The following IL16 variants were observed in gnomAD, a reference collection of about 807,000 sequenced individuals.
IL16 encodes pro-interleukin-16.
IL16 carries 67 observed loss-of-function variants against 110.1 expected under a neutral mutation model. That is an observed-to-expected ratio of 0.61 (90% CI 0.50 to 0.75). IL16 has a LOEUF of 0.75. IL16 is among the 30% of genes least tolerant of loss of function. The probability of loss-of-function intolerance (pLI) is 0.00; values close to 1 mark genes in which losing one functional copy is unlikely to be tolerated. For synonymous variants in IL16, 689 were observed against 662.9 expected (o/e 1.04, Z -0.61); for missense variants, 1,545 against 1,655.0 (o/e 0.93, Z 1.15).
chr15:81,187,583 A>G (rs1272353080), intron 1 of IL16, among the ~76,000 whole-genome samples: 3 of 152,100 alleles, frequency 2.0e-5, no homozygotes, highest in African/African-American at 7.2e-5. Context: ...TGACAGTAAG[A>G]CTTTGTTCAC....
At chr15:81,295,641 C>T (rs1567042119) in intron 12 of IL16, 6 of 456,156 alleles carry the variant, frequency 1.3e-5, no homozygotes, top group Admixed American at 3.3e-5. Flanking sequence ...AGGGCTAGTT[C>T]GAGAAGCTCA....
chr15:81,227,721 G>T (rs1040876768), intron 2 of IL16, among the ~76,000 whole-genome samples: 5 of 152,204 alleles, frequency 3.3e-5, no homozygotes, highest in Non-Finnish European at 7.3e-5. Context: ...TGACTGCTGA[G>T]TGGAGAATGG....
In IL16 at chr15:81,259,820, C is replaced by T. The variant is rs1241095299; in HGVS notation, c.361C>T (p.Gln121Ter). ...SREKPGKLEA[Q>*]SSNFLFPKAC... ...AGAAAAGCCTGGAAAACTAGAAGCACAAAGTAGTAACTTCCTGTTTCCTAA... is the reference window on the plus strand; with the variant it reads ...AGAAAAGCCTGGAAAACTAGAAGCATAAAGTAGTAACTTCCTGTTTCCTAA... Residue 121 changes from glutamine (Q) to a stop codon, truncating the protein, a stop_gained, in exon 3 of 19, where the codon CAA (glutamine) becomes TAA (stop). Coordinates refer to ENST00000683961, the MANE Select transcript of IL16 (RefSeq NM_172217.5). LOFTEE classifies it high-confidence loss of function. 6.2e-7 allele frequency: 1 copy of T among 1,614,042 alleles called. No homozygotes were observed. The highest frequency in any genetic ancestry group is 1.3e-5 in the African/African-American group (1 of 75,050).
At chr15:81,200,715 T>G (rs1306374891) in intron 1 of IL16, among the ~76,000 whole-genome samples, 1 of 152,124 alleles carries the variant, frequency 6.6e-6, no homozygotes, top group African/African-American at 2.4e-5. Flanking sequence ...TGTAGAACAC[T>G]GGGTGGAGTT....
intron 16 of IL16, among the ~76,000 whole-genome samples, chr15:81,304,563 G>T (rs957648576): frequency 6.6e-6 from 1 of 152,150 alleles, no homozygotes; most frequent in African/African-American, 2.4e-5. Flanking sequence ...CTAACGTAGA[G>T]CACCATCCAC....
At chr15:81,190,845 A>C (rs1451601146) in intron 1 of IL16, among the ~76,000 whole-genome samples, 1 of 152,180 alleles carries the variant, frequency 6.6e-6, no homozygotes, top group Non-Finnish European at 1.5e-5. Context: ...ATCATAGGAG[A>C]AGGGTACAGT....
chr15:81,238,832 T>TTC (rs544446360), intron 2 of IL16, among the ~76,000 whole-genome samples: 4 of 151,608 alleles, frequency 2.6e-5, no homozygotes, highest in African/African-American at 9.7e-5. Context: ...TTTTAGTTTT[T>TTC]TTTTTTTTTT....
intron 2 of IL16, among the ~76,000 whole-genome samples, chr15:81,232,370 T>A (rs188045066): frequency 1.3e-5 from 2 of 152,308 alleles, no homozygotes. Flanking sequence ...TACAGTGCAA[T>A]GTCGAATAGA....
chr15:81,259,047 G>A (rs745673661), intron 2 of IL16, among the ~76,000 whole-genome samples: 2 of 152,056 alleles, frequency 1.3e-5, no homozygotes, highest in African/African-American at 2.4e-5. Context: ...ATATTTGATT[G>A]ATACAGCAAG....
At chr15:81,219,820 A>C (rs752555669) in intron 1 of IL16, among the ~76,000 whole-genome samples, 12 of 152,148 alleles carry the variant, frequency 7.9e-5, no homozygotes, top group Non-Finnish European at 1.0e-4. Context: ...TGGTGCAGGA[A>C]AAGTCTGTTG....
chr15:81,284,400 T>C (rs1899345827), intron 9 of IL16, among the ~76,000 whole-genome samples: 1 of 152,144 alleles, frequency 6.6e-6, no homozygotes, highest in African/African-American at 2.4e-5. Context: ...TGCGGGAGGG[T>C]GGCAGGTGAT....
intron 2 of IL16, among the ~76,000 whole-genome samples, chr15:81,250,547 C>T (rs1343691093): frequency 6.6e-6 from 1 of 152,068 alleles, no homozygotes; most frequent in East Asian, 1.9e-4. Flanking sequence ...TGTGACAGCT[C>T]ATATGTTTTG....
rs1021397044 is a variant in IL16 at position 81,301,572 on chromosome 15, C to T, written c.3318+60C>T. The T allele has an allele frequency of 4.0e-6, 6 of 1,489,132 alleles. 1 individual carries two copies. Among genetic ancestry groups the T allele is most frequent in the Admixed American group, 3.7e-5 (2 of 54,156 alleles). 92.2% of individuals were successfully genotyped at this position (1,489,132 alleles called of 1,614,324 possible). Reference sequence around the variant, plus strand: ...TGGCTTATTATGGCTGTGTGGCCACCTTAGTTGGGCCAGAGGGGAAGTAGC... The same window carrying T: ...TGGCTTATTATGGCTGTGTGGCCACTTTAGTTGGGCCAGAGGGGAAGTAGC... On this transcript the variant is annotated intron_variant, in intron 15 of 18. Transcript: ENST00000683961.
Position 81,303,372 on chromosome 15 carries a change from T to C in IL16, c.3319-177T>C. ...TTTTTTTTTTCTTCTAAGCTTCCCA[T>C]GACTCCTGAAGGTCCATTCTTTACA... On this transcript the variant is annotated intron_variant, in intron 15 of 18. Transcript: ENST00000683961. This position sits in a 1 kb window ranked among gnomAD's most constrained non-coding sequence, Gnocchi z 4.1. The C allele has an allele frequency of 3.5e-6, 2 of 579,564 alleles. No individual in the cohort carries two copies. The highest frequency in any genetic ancestry group is 6.2e-6 in the Non-Finnish European group (2 of 322,934). The allele number at this position is 579,564 out of a possible 1,614,324, so 35.9% of individuals were successfully genotyped here. A position where few individuals can be genotyped will look rare whatever the true frequency, so the allele number is the denominator to read the frequency against.
intron 1 of IL16, among the ~76,000 whole-genome samples, chr15:81,223,945 A>G (rs1473919893): frequency 6.6e-6 from 1 of 152,226 alleles, no homozygotes; most frequent in East Asian, 1.9e-4. Flanking sequence ...AGGCATGTTG[A>G]CAAGAGGGTG....
intron 9 of IL16, among the ~76,000 whole-genome samples, chr15:81,283,238 C>T (rs937829219): frequency 3.9e-5 from 6 of 152,092 alleles, no homozygotes; most frequent in Middle Eastern, 3.2e-3. Context: ...AGGGCTGGGC[C>T]GGGAGGCAGA....
At chr15:81,293,123 G>A in intron 12 of IL16, 86 bp downstream of exon 12, 4 of 1,412,006 alleles carry the variant, frequency 2.8e-6, no homozygotes, top group South Asian at 1.4e-5. Flanking sequence ...AGTGTTAGCA[G>A]GGCCAGAATG....
At chr15:81,297,718 CCAAGCATATGATGCATTCAG>C (rs1436968134) in intron 13 of IL16, among the ~76,000 whole-genome samples, 1 of 152,112 alleles carries the variant, frequency 6.6e-6, no homozygotes, top group Non-Finnish European at 1.5e-5. Flanking sequence ...CACGTAGACC[CCAAGCATATGATGCATTCAG>C]CAAGCACACA....
chr15:81,217,205 C>T (rs1896465473), intron 1 of IL16, among the ~76,000 whole-genome samples: 1 of 151,856 alleles, frequency 6.6e-6, no homozygotes, highest in Non-Finnish European at 1.5e-5. Flanking sequence ...AAGGGGAGGC[C>T]AACAGAAATG....
Sources: gnomAD v4.1 joint callset for allele counts (sites outside exome capture counted in the v4.1 genomes callset) on GRCh38, gnomAD v4.1.1 for gene constraint, Gnocchi (gnomAD v3.1) non-coding constraint, MANE v1.5 for transcripts, NCBI Gene and HGNC (gene_info 2026-07-23, HGNC 2026-07-21) for gene names.